Variants in EDAR observed in about 807,000 individuals in gnomAD.
EDAR encodes the protein ectodysplasin A receptor.
EDAR carries 38 observed loss-of-function variants against 51.3 expected under a neutral mutation model. The ratio of observed to expected loss-of-function variants is 0.74; its 90% CI spans 0.57 to 0.97. The LOEUF is 0.97. Ranked by LOEUF, EDAR falls within the 50% of genes least tolerant of loss-of-function variation. EDAR has a pLI of 0.00. For synonymous variants in EDAR, 227 were observed against 242.1 expected (o/e 0.94, Z 0.58); for missense variants, 528 against 595.0 (o/e 0.89, Z 1.17).
At chr2:108,932,895 G>A (rs1574388376) in intron 1 of EDAR, among the ~76,000 whole-genome samples, 1 of 152,204 alleles carries the variant, frequency 6.6e-6, no homozygotes, top group East Asian at 1.9e-4. Context: ...CTGGCTGCTA[G>A]GGAGCTTCCA....
intron 1 of EDAR, among the ~76,000 whole-genome samples, chr2:108,987,601 T>G (rs746009918): frequency 2.0e-4 from 30 of 152,206 alleles, no homozygotes; most frequent in Non-Finnish European, 4.1e-4. Context: ...TATTTACTTT[T>G]TCCTCCCAAA....
At chr2:108,907,781 T>C (rs1270531433) in intron 10 of EDAR, 79 bp downstream of exon 10, 1 of 1,551,330 alleles carries the variant, frequency 6.4e-7, no homozygotes, top group Non-Finnish European at 8.9e-7. Flanking sequence ...GGAGAGCTGA[T>C]TCAATAAGAA....
chr2:108,970,734 A>T (rs1698219443), intron 1 of EDAR, among the ~76,000 whole-genome samples: 1 of 152,194 alleles, frequency 6.6e-6, no homozygotes, highest in African/African-American at 2.4e-5. Flanking sequence ...ATGGTTTTTT[A>T]AAAGCTATTT....
chr2:108,923,094 T>C (rs1186076915), intron 5 of EDAR, among the ~76,000 whole-genome samples: 4 of 152,200 alleles, frequency 2.6e-5, no homozygotes, highest in South Asian at 4.1e-4. Context: ...ATATTACCGA[T>C]GAGAAAACCG....
intron 1 of EDAR, among the ~76,000 whole-genome samples, chr2:108,979,573 C>A (rs1458083687): frequency 6.6e-6 from 1 of 151,966 alleles, no homozygotes; most frequent in Non-Finnish European, 1.5e-5. Context: ...TGTCAGGTGG[C>A]GGCTGGGGAC....
Position 108,923,365 on chromosome 2 carries a change from C to T in EDAR, c.442+3G>A. 1 of 1,613,942 alleles carries T rather than the reference C, an allele frequency of 6.2e-7. No individual in the cohort carries two copies. Among genetic ancestry groups the T allele is most frequent in the Non-Finnish European group, 8.5e-7 (1 of 1,179,792 alleles). ...GTGCTGGTGGAAGGACAAAGACACTCACATTCCTTGGTGTTGGGGGGTGCC... is the reference window on the plus strand; with the variant it reads ...GTGCTGGTGGAAGGACAAAGACACTTACATTCCTTGGTGTTGGGGGGTGCC... On this transcript the variant is annotated splice_donor_region_variant and intron_variant, in intron 5 of 11. Transcript: ENST00000258443.
At chr2:108,932,663 A>G (rs1461534042) in intron 1 of EDAR, among the ~76,000 whole-genome samples, 2 of 152,166 alleles carry the variant, frequency 1.3e-5, no homozygotes, top group Non-Finnish European at 2.9e-5. Flanking sequence ...GGGGACTGAC[A>G]TGGACAATCT....
At chr2:108,930,361 C>T in intron 2 of EDAR, 119 bp from the exon 3 acceptor site, 2 of 1,138,210 alleles carry the variant, frequency 1.8e-6, no homozygotes, top group Non-Finnish European at 2.6e-6. Context: ...CTGCTGGGGG[C>T]TCGGTCTGGG....
chr2:108,941,372 G>GTCTGAA (rs1172133247), intron 1 of EDAR, among the ~76,000 whole-genome samples: 1 of 152,196 alleles, frequency 6.6e-6, no homozygotes, highest in African/African-American at 2.4e-5. Context: ...CCTGGCTTTT[G>GTCTGAA]TCTGAATCTG....
At chr2:108,944,014 G>GATGT (rs1456723666) in intron 1 of EDAR, among the ~76,000 whole-genome samples, 1 of 152,230 alleles carries the variant, frequency 6.6e-6, no homozygotes, top group Non-Finnish European at 1.5e-5. Flanking sequence ...TAAAAGGCTT[G>GATGT]ATGTAGATTG....
rs1463084552 is a variant in EDAR, at chr2:108,989,021, G to A, written c.-80C>T. The A allele has an allele frequency of 1.3e-5, 2 of 152,340 alleles. No individual in the cohort carries two copies. The highest frequency in any genetic ancestry group is 2.9e-5 in the Non-Finnish European group (2 of 68,070). 9.4% of individuals were successfully genotyped at this position (152,340 alleles called of 1,614,324 possible). On this transcript the variant is annotated 5_prime_UTR_variant, in exon 1 of 12. Transcript: ENST00000258443. ...AAGATGGGTCTATGAAGAAAGTCAG[G>A]TACCATCCAGTTCTGGGTGACAGGC...
At chr2:108,943,613 T>G (rs1697651870) in intron 1 of EDAR, among the ~76,000 whole-genome samples, 1 of 152,092 alleles carries the variant, frequency 6.6e-6, no homozygotes, top group South Asian at 2.1e-4. Flanking sequence ...AGGACTCACT[T>G]CCGAGCACAA....
At chr2:108,959,447 G>T (rs1697993309) in intron 1 of EDAR, among the ~76,000 whole-genome samples, 1 of 152,248 alleles carries the variant, frequency 6.6e-6, no homozygotes, top group African/African-American at 2.4e-5. Context: ...ACCCAGTTCA[G>T]GTCCTCCTGG....
intron 3 of EDAR, among the ~76,000 whole-genome samples, 193 bp from the exon 4 acceptor site, chr2:108,929,572 C>T (rs933938434): frequency 2.0e-5 from 3 of 152,344 alleles, no homozygotes; most frequent in East Asian, 1.9e-4. Flanking sequence ...CCCCTCTCCT[C>T]GCCACTCTCA....
chr2:108,985,694 G>C (rs1698486523), intron 1 of EDAR, among the ~76,000 whole-genome samples: 1 of 152,172 alleles, frequency 6.6e-6, no homozygotes. Flanking sequence ...TGGGCATCCA[G>C]CATTTGAGAA....
intron 5 of EDAR, among the ~76,000 whole-genome samples, chr2:108,916,654 G>A (rs1445540031): frequency 6.6e-6 from 1 of 152,082 alleles, no homozygotes; most frequent in Non-Finnish European, 1.5e-5. Flanking sequence ...GGTGTGCAGG[G>A]ATCCCTGAGT....
intron 1 of EDAR, among the ~76,000 whole-genome samples, chr2:108,950,282 T>C (rs550585038): frequency 6.6e-6 from 1 of 151,320 alleles, no homozygotes; most frequent in African/African-American, 2.4e-5. Flanking sequence ...TTTCTTTCTT[T>C]TTTTTCTTTT....
At chr2:108,943,838 C>T (rs953540650) in intron 1 of EDAR, among the ~76,000 whole-genome samples, 5 of 152,198 alleles carry the variant, frequency 3.3e-5, no homozygotes, top group East Asian at 1.9e-4. Context: ...GATGCCAGCC[C>T]GGGGCTGAGC....
chr2:108,977,244 C>T (rs538189474), intron 1 of EDAR, among the ~76,000 whole-genome samples: 86 of 152,244 alleles, frequency 5.6e-4, no homozygotes, highest in African/African-American at 1.9e-3. Flanking sequence ...GATCTGGTGG[C>T]CTCTCAGCTT....
Sources: allele counts gnomAD v4.1 joint callset (sites outside exome capture counted in the v4.1 genomes callset), GRCh38; gene constraint gnomAD v4.1.1; transcripts MANE v1.5; gene names NCBI Gene and HGNC (gene_info 2026-07-23, HGNC 2026-07-21).